GPC6: variants seen among roughly 807,000 people sequenced by gnomAD.
GPC6 encodes glypican 6.
A neutral mutation model predicts 55.2 loss-of-function variants in GPC6; 14 were observed. That is an observed-to-expected ratio of 0.25 (90% confidence interval 0.17 to 0.40). GPC6 has a LOEUF of 0.40. Ranked by LOEUF, GPC6 falls within the 10% of genes least tolerant of loss-of-function variation. The probability of loss-of-function intolerance (pLI) is 1.00; values close to 1 mark genes in which losing one functional copy is unlikely to be tolerated. For synonymous variants in GPC6, 278 were observed against 259.6 expected (o/e 1.07, Z -0.68); for missense variants, 641 against 708.5 (o/e 0.90, Z 1.08).
intron 4 of GPC6, among the ~76,000 whole-genome samples, chr13:94,071,250 T>C (rs1284221535): frequency 2.0e-5 from 3 of 152,218 alleles, no homozygotes; most frequent in African/African-American, 7.2e-5. Context: ...GAATAGTCTT[T>C]CGTGTAGAGG....
intron 1 of GPC6, among the ~76,000 whole-genome samples, chr13:93,350,450 T>C (rs1262780427): frequency 6.6e-6 from 1 of 152,096 alleles, no homozygotes; most frequent in Non-Finnish European, 1.5e-5. Flanking sequence ...ATAAATAAAA[T>C]AAATTCTTAA....
chr13:93,846,963 A>G (rs373304787), intron 3 of GPC6, among the ~76,000 whole-genome samples: 18 of 152,222 alleles, frequency 1.2e-4, no homozygotes, highest in African/African-American at 3.9e-4. Flanking sequence ...TAGGAAGCCT[A>G]AACTCTTGTG....
intron 3 of GPC6, among the ~76,000 whole-genome samples, chr13:93,957,706 A>G (rs1879569449): frequency 6.6e-6 from 1 of 151,966 alleles, no homozygotes; most frequent in Admixed American, 6.6e-5. Context: ...ATGTTTTTGG[A>G]ATTATGATCT....
chr13:93,829,955 C>A (rs1404808457), intron 2 of GPC6, among the ~76,000 whole-genome samples, 199 bp from the exon 3 acceptor site: 1 of 152,074 alleles, frequency 6.6e-6, no homozygotes, highest in East Asian at 1.9e-4. Flanking sequence ...ATGGGGTATT[C>A]TGTTTTGAGT....
chr13:94,356,997 A>G (rs2139175511), intron 6 of GPC6, among the ~76,000 whole-genome samples: 1 of 152,334 alleles, frequency 6.6e-6, no homozygotes, highest in South Asian at 2.1e-4. Flanking sequence ...GATGTGAACA[A>G]GACACCACTC....
chr13:93,945,311 CTT>C (rs1878952439), intron 3 of GPC6, among the ~76,000 whole-genome samples: 1 of 152,122 alleles, frequency 6.6e-6, no homozygotes, highest in Non-Finnish European at 1.5e-5. Flanking sequence ...TAAAAGGAGA[CTT>C]TTACCCAACT....
intron 6 of GPC6, among the ~76,000 whole-genome samples, chr13:94,344,557 C>G (rs547209459): frequency 6.6e-6 from 1 of 152,232 alleles, no homozygotes; most frequent in South Asian, 2.1e-4. Flanking sequence ...CCTGAAGCTT[C>G]ATGACTGATA....
chr13:93,843,283 T>G (rs1456616378), intron 3 of GPC6, among the ~76,000 whole-genome samples: 1 of 152,108 alleles, frequency 6.6e-6, no homozygotes, highest in African/African-American at 2.4e-5. Flanking sequence ...CTGACTCACT[T>G]TTCACTCTGA....
intron 3 of GPC6, among the ~76,000 whole-genome samples, chr13:93,874,073 C>T (rs1024995287): frequency 3.0e-4 from 45 of 151,846 alleles, no homozygotes; most frequent in African/African-American, 1.1e-3. Context: ...TTTATTATAG[C>T]TTCAGGGGTA....
At chr13:94,276,176 G>A (rs1282749899) in intron 4 of GPC6, among the ~76,000 whole-genome samples, 1 of 152,192 alleles carries the variant, frequency 6.6e-6, no homozygotes, top group East Asian at 1.9e-4. Flanking sequence ...AGGACATGTT[G>A]AGTAGTGAGA....
chr13:93,570,991 G>C (rs888659256), intron 2 of GPC6, among the ~76,000 whole-genome samples: 5 of 151,644 alleles, frequency 3.3e-5, no homozygotes, highest in Admixed American at 6.6e-5. Context: ...TTAAAATCTG[G>C]GATTTAACAT....
At chr13:94,124,689 C>G (rs1199000408) in intron 4 of GPC6, among the ~76,000 whole-genome samples, 1 of 152,008 alleles carries the variant, frequency 6.6e-6, no homozygotes, top group Non-Finnish European at 1.5e-5. Context: ...GAGTTTGAAC[C>G]TCATTTCACA....
At chr13:93,753,450 AT>A (rs1413157450) in intron 2 of GPC6, among the ~76,000 whole-genome samples, 4 of 151,992 alleles carry the variant, frequency 2.6e-5, no homozygotes, top group South Asian at 2.1e-4. Context: ...TTTATTTTTA[AT>A]TTTTATGGGT....
chr13:93,781,908 A>T (rs1261435744), intron 2 of GPC6, among the ~76,000 whole-genome samples: 1 of 152,180 alleles, frequency 6.6e-6, no homozygotes. Context: ...AATGAATTTT[A>T]TTAGCATATG....
At chr13:93,668,893 C>T (rs1360090775) in intron 2 of GPC6, among the ~76,000 whole-genome samples, 1 of 152,214 alleles carries the variant, frequency 6.6e-6, no homozygotes, top group Non-Finnish European at 1.5e-5. Context: ...CACTTAGATA[C>T]ATGTAATGGA....
intron 4 of GPC6, among the ~76,000 whole-genome samples, chr13:94,141,917 C>T (rs187990011): frequency 8.3e-4 from 127 of 152,190 alleles, no homozygotes; most frequent in Non-Finnish European, 1.4e-3. Flanking sequence ...GGAGAATTCT[C>T]GTTAGAAACT....
chr13:94,300,351 G>A (rs180688316), intron 5 of GPC6, among the ~76,000 whole-genome samples: 19 of 152,280 alleles, frequency 1.2e-4, no homozygotes, highest in Admixed American at 3.3e-4. Context: ...AGAGAAATAC[G>A]TTAAGATGCC....
At chr13:93,372,792 G>T (rs1874725743) in intron 1 of GPC6, among the ~76,000 whole-genome samples, 1 of 152,172 alleles carries the variant, frequency 6.6e-6, no homozygotes, top group African/African-American at 2.4e-5. Flanking sequence ...TGTTGGTAAA[G>T]AAGATTTAAA....
At chr13:93,325,351 G>A (rs1358680992) in intron 1 of GPC6, among the ~76,000 whole-genome samples, 3 of 152,032 alleles carry the variant, frequency 2.0e-5, no homozygotes, top group African/African-American at 7.3e-5. Context: ...TTTTGTGAAG[G>A]GTACATGCAA....
Sources: gnomAD v4.1 joint callset for allele counts (sites outside exome capture counted in the v4.1 genomes callset) on GRCh38, gnomAD v4.1.1 for gene constraint, MANE v1.5 for transcripts, NCBI Gene and HGNC (gene_info 2026-07-23, HGNC 2026-07-21) for gene names.